MITF: variants seen among roughly 807,000 people sequenced by gnomAD.
The protein encoded by MITF is microphthalmia-associated transcription factor.
Under a neutral mutation model 60.5 loss-of-function variants are expected in MITF, and 17 were observed. That is an observed-to-expected ratio of 0.28 (90% confidence interval 0.19 to 0.42). The LOEUF (loss-of-function observed/expected upper bound fraction) is 0.42, where lower values mean the gene tolerates loss of function less well. MITF is among the 10% of genes least tolerant of loss of function. The probability of loss-of-function intolerance (pLI) is 1.00; values close to 1 mark genes in which losing one functional copy is unlikely to be tolerated. For missense variants in MITF, 622 were observed against 683.5 expected, an observed-to-expected ratio of 0.91 and a Z score of 1.00; for synonymous variants, 260 against 248.5, an observed-to-expected ratio of 1.05 and a Z score of -0.43.
rs375617226 is a variant in MITF at position 69,951,825 on chromosome 3, C to A, written c.894C>A (p.Pro298=). ...IKRELTACIF[P]TESEARALAK... ...TCACGTGCACAGCGTGTATTTTTCC[C>A]ACAGAGTCTGAAGCAAGAGCACTGG... Residue 298 remains proline, a synonymous_variant, in exon 7 of 10, where the codon CCC becomes CCA. Transcript: ENST00000352241. 3 of 1,613,278 alleles carry A rather than the reference C, an allele frequency of 1.9e-6. No individual in the cohort carries two copies. In the African/African-American group the frequency reaches 4.0e-5, roughly 22 times the overall value.
At chr3:69,780,731 T>A (rs1481234280) in intron 1 of MITF, among the ~76,000 whole-genome samples, 1 of 152,196 alleles carries the variant, frequency 6.6e-6, no homozygotes, top group East Asian at 1.9e-4. Flanking sequence ...AATTAGATGT[T>A]AGCTCAGAAC....
rs1015201616 is a variant in MITF at position 69,966,935 on chromosome 3, A to G, written c.*1687A>G. 1.3e-5 allele frequency: 3 copies of G among 232,616 alleles called. No individual in the cohort carries two copies. The highest frequency in any genetic ancestry group is 8.5e-6 in the Non-Finnish European group (1 of 117,438). 14.4% of individuals were successfully genotyped at this position (232,616 alleles called of 1,614,324 possible). On this transcript the variant is annotated 3_prime_UTR_variant, in exon 10 of 10. Coordinates refer to ENST00000352241, the MANE Select transcript of MITF (RefSeq NM_001354604.2). ...TCTATAGTCAAGACGAACATGTAGC[A>G]TGGTGCCTATGTAGACAATATAAGA...
intron 1 of MITF, among the ~76,000 whole-genome samples, chr3:69,845,881 T>C (rs147135736): frequency 6.6e-6 from 1 of 152,316 alleles, no homozygotes; most frequent in Non-Finnish European, 1.5e-5. Context: ...GGCAGGAGTG[T>C]CATGGCTCTG....
chr3:69,924,929 G>T (rs998818831), intron 2 of MITF, among the ~76,000 whole-genome samples: 3 of 151,856 alleles, frequency 2.0e-5, no homozygotes, highest in African/African-American at 7.3e-5. Flanking sequence ...ATTTGAGTTA[G>T]CTAAAGAGAA....
chr3:69,957,490 C>G (rs552762237), intron 8 of MITF, among the ~76,000 whole-genome samples: 259 of 152,304 alleles, frequency 1.7e-3, no homozygotes, highest in African/African-American at 5.9e-3. Flanking sequence ...ACAATTCCAT[C>G]TTCAATGTTT....
At chr3:69,958,128 A>G (rs1344143960) in intron 8 of MITF, among the ~76,000 whole-genome samples, 2 of 152,214 alleles carry the variant, frequency 1.3e-5, no homozygotes, top group African/African-American at 4.8e-5. Flanking sequence ...AGGAAGCAAA[A>G]CCCAAGATAA....
chr3:69,808,824 T>A (rs1345333701), intron 1 of MITF, among the ~76,000 whole-genome samples: 4 of 151,778 alleles, frequency 2.6e-5, no homozygotes, highest in African/African-American at 7.3e-5. Context: ...GGGGGAGGGA[T>A]TTTTAGATGG....
chr3:69,763,663 A>G (rs1444683350), intron 1 of MITF: 7 of 1,261,140 alleles, frequency 5.6e-6, no homozygotes, highest in Non-Finnish European at 7.1e-6. Context: ...AGTGGACTCA[A>G]TGTTCCGCCA....
intron 1 of MITF, among the ~76,000 whole-genome samples, chr3:69,853,709 A>G (rs2063865430): frequency 6.6e-6 from 1 of 152,140 alleles, no homozygotes; most frequent in Non-Finnish European, 1.5e-5. Flanking sequence ...TGAACTTTAA[A>G]TAAATGGGGT....
intron 1 of MITF, among the ~76,000 whole-genome samples, chr3:69,808,577 G>A (rs1338314426): frequency 2.0e-5 from 3 of 152,066 alleles, no homozygotes; most frequent in Non-Finnish European, 4.4e-5. Flanking sequence ...AGTGTTTGCT[G>A]AGCTCTGGAA....
chr3:69,854,555 ATAT>A (rs1262673241), intron 1 of MITF, among the ~76,000 whole-genome samples: 5 of 151,908 alleles, frequency 3.3e-5, no homozygotes, highest in Non-Finnish European at 5.9e-5. Flanking sequence ...TTGCTTTTTA[ATAT>A]TATTGATCCA....
At chr3:69,847,925 C>G (rs372433830) in intron 1 of MITF, among the ~76,000 whole-genome samples, 2 of 152,216 alleles carry the variant, frequency 1.3e-5, no homozygotes, top group South Asian at 4.1e-4. Flanking sequence ...GCTTCATAGC[C>G]TAAGAGCTCT....
At position 69,870,436 on chromosome 3, in the gene MITF, A is replaced by G. The variant is rs534315187; in HGVS notation, c.105-8698A>G. The stretch of plus-strand genomic sequence containing the variant: ...TATATATGTGTGTGTATATATATAT[A>G]TATATTTTTTTTTTTTTGAGACGGA... On this transcript the variant is annotated intron_variant, in intron 1 of 9. Coordinates refer to ENST00000352241, the MANE Select transcript of MITF (RefSeq NM_001354604.2). Among the ~76,000 whole-genome samples the G allele has an allele frequency of 1.0e-4, 15 of 144,768 alleles. No homozygotes were observed. In the South Asian group the frequency reaches 3.2e-3, roughly 31 times the overall value. 95.0% of individuals were successfully genotyped at this position (144,768 alleles called of 152,430 possible). A position where few individuals can be genotyped will look rare whatever the true frequency, so the allele number is the denominator to read the frequency against.
At chr3:69,817,623 A>G (rs1321382832) in intron 1 of MITF, among the ~76,000 whole-genome samples, 1 of 152,146 alleles carries the variant, frequency 6.6e-6, no homozygotes, top group Non-Finnish European at 1.5e-5. Context: ...CAAGAATTCA[A>G]AATAGTCTTA....
chr3:69,883,925 G>T (rs763132073), intron 2 of MITF, among the ~76,000 whole-genome samples: 2 of 152,084 alleles, frequency 1.3e-5, no homozygotes, highest in Non-Finnish European at 2.9e-5. Flanking sequence ...AAACATTGTT[G>T]TCCTTTTGTT....
intron 1 of MITF, among the ~76,000 whole-genome samples, chr3:69,788,965 A>G (rs1451441659): frequency 6.6e-6 from 1 of 152,180 alleles, no homozygotes; most frequent in African/African-American, 2.4e-5. Flanking sequence ...CAAGACCTAA[A>G]TGTAAGACCC....
chr3:69,937,757 G>A, intron 2 of MITF, 65 bp from the exon 3 acceptor site: 1 of 1,381,708 alleles, frequency 7.2e-7, no homozygotes, highest in Non-Finnish European at 1.0e-6. Context: ...TGTGCCTGAA[G>A]GAAGAGCCGT....
chr3:69,956,498 A>C lies in MITF; in HGVS notation c.999A>C (p.Glu333Asp). The C allele has an allele frequency of 6.2e-7, 1 of 1,613,786 alleles. No homozygotes were observed. The highest frequency in any genetic ancestry group is 8.5e-7 in the Non-Finnish European group (1 of 1,179,746). Reference sequence around the variant, plus strand: ...TTAACATAAATGACCGCATTAAAGAACTAGGTACTTTGATTCCCAAGTCAA... The same window carrying C: ...TTAACATAAATGACCGCATTAAAGACCTAGGTACTTTGATTCCCAAGTCAA... ...RRFNINDRIK[E>D]LGTLIPKSND... The change falls in exon 8 of 10, where the codon GAA (glutamate) becomes GAC (aspartate). Residue 333 changes from glutamate (E) to aspartate (D), a missense_variant. Glu to Asp is a conservative substitution (Grantham distance 45). Transcript: ENST00000352241.
chr3:69,917,274 A>G (rs1185580795), intron 2 of MITF, among the ~76,000 whole-genome samples: 1 of 151,810 alleles, frequency 6.6e-6, no homozygotes, highest in Non-Finnish European at 1.5e-5. Flanking sequence ...GTTAGTATGC[A>G]TGGTTTGAGG....
Sources: gnomAD v4.1 joint callset for allele counts (sites outside exome capture counted in the v4.1 genomes callset) on GRCh38, gnomAD v4.1.1 for gene constraint, MANE v1.5 for transcripts, NCBI Gene and HGNC (gene_info 2026-07-23, HGNC 2026-07-21) for gene names.